CCDC3: variants seen among roughly 807,000 people sequenced by gnomAD.
CCDC3 encodes the protein coiled-coil domain containing 3.
In CCDC3, 24 loss-of-function variants were observed where a neutral mutation model predicts 21.4. The observed-to-expected ratio is 1.12, with a 90% CI of 0.81 to 1.58. The LOEUF is 1.58. CCDC3 is among the 40% of genes most tolerant of loss of function. The pLI, the probability that CCDC3 is intolerant of heterozygous loss-of-function variation, is 0.00. For missense variants in CCDC3, 425 were observed against 360.9 expected (o/e 1.18, Z -1.44); for synonymous variants, 186 against 166.0 (o/e 1.12, Z -0.93).
At chr10:13,004,909 T>C (rs1325392938), upstream of CCDC3, among the ~76,000 whole-genome samples, 2 of 152,136 alleles carry the variant, frequency 1.3e-5, no homozygotes, top group Non-Finnish European at 2.9e-5. Flanking sequence ...CTGAATGCAC[T>C]TTGGTCATCA....
At chr10:13,080,679 G>A (rs932226096) in intron 3 of CCDC3, among the ~76,000 whole-genome samples, 6 of 152,200 alleles carry the variant, frequency 3.9e-5, no homozygotes, top group Admixed American at 1.3e-4. Context: ...CCCATTAGGG[G>A]CCCTCCAGCG....
At chr10:13,084,099 T>C (rs1277643585) in intron 3 of CCDC3, among the ~76,000 whole-genome samples, 1 of 152,182 alleles carries the variant, frequency 6.6e-6, no homozygotes, top group East Asian at 1.9e-4. Flanking sequence ...TCTTGCAAGA[T>C]ATAGTCATTA....
rs1194938822 is a variant in CCDC3 at position 13,089,826 on chromosome 10, AC to A, written c.-503+8698del. On this transcript the variant is annotated intron_variant, in intron 3 of 6. Transcript: ENST00000378839. ...CCCAATTTGTAGCCTTTTATCCCCC[AC>A]CCCCCTCCCACCCTTTCTCCGTGAG... Among the ~76,000 whole-genome samples, 134 of 95,128 alleles carry A rather than the reference AC, an allele frequency of 1.4e-3. 2 individuals are homozygous for A. Among genetic ancestry groups the A allele is most frequent in the African/African-American group, 4.4e-3 (118 of 27,080 alleles). 62.4% of individuals were successfully genotyped at this position (95,128 alleles called of 152,430 possible).
Position 13,071,779 on chromosome 10 carries a change from G to A in CCDC3, c.-270+2089C>T, listed in dbSNP as rs115105921. Among the ~76,000 whole-genome samples the A allele has an allele frequency of 7.8e-3, 1,191 of 152,280 alleles. 17 individuals carry two copies. Among genetic ancestry groups the A allele is most frequent in the African/African-American group, 0.025 (1,042 of 41,540 alleles). On this transcript the variant is annotated intron_variant, in intron 4 of 6. Coordinates refer to the CCDC3 transcript ENST00000378839. Reference sequence around the variant, plus strand: ...CTGCTCCCTTCTTTCTGGATGGGTAGCCATTCATCTTCAGTCTGTATCTCT... The same window carrying A: ...CTGCTCCCTTCTTTCTGGATGGGTAACCATTCATCTTCAGTCTGTATCTCT...
intron 5 of CCDC3, among the ~76,000 whole-genome samples, chr10:13,034,855 T>A (rs985149771): frequency 6.6e-6 from 1 of 151,900 alleles, no homozygotes; most frequent in Non-Finnish European, 1.5e-5. Context: ...CAAAAACCCA[T>A]CTTTACTAAA....
chr10:13,080,579 A>G (rs1412569105), intron 3 of CCDC3, among the ~76,000 whole-genome samples: 1 of 152,260 alleles, frequency 6.6e-6, no homozygotes, highest in African/African-American at 2.4e-5. Flanking sequence ...TGCTAAAGAA[A>G]ATTCAAAAGA....
upstream of CCDC3, among the ~76,000 whole-genome samples, chr10:13,003,057 T>C (rs1249419589): frequency 1.3e-5 from 2 of 152,306 alleles, no homozygotes; most frequent in Admixed American, 1.3e-4. Context: ...CACTTCAACA[T>C]ATGAATTTGG....
Position 12,915,184 on chromosome 10 carries a change from G to T in CCDC3, c.550-16505C>A, listed in dbSNP as rs911202220. ...GAAGAATTTTTCTGAAACCAGAATTGATTTCTGGTTTCAAACGATTGTGGT... is the reference window on the plus strand; with the variant it reads ...GAAGAATTTTTCTGAAACCAGAATTTATTTCTGGTTTCAAACGATTGTGGT... On this transcript the variant is annotated intron_variant, in intron 2 of 2. Coordinates refer to ENST00000378825, the MANE Select transcript of CCDC3 (RefSeq NM_031455.4). Among the ~76,000 whole-genome samples, 7 of 152,266 alleles carry T rather than the reference G, an allele frequency of 4.6e-5. No homozygotes were observed. The South Asian group carries it at 1.0e-3, about 23-fold the overall frequency.
chr10:13,042,518 C>G (rs1836470804), intron 5 of CCDC3, among the ~76,000 whole-genome samples: 1 of 152,236 alleles, frequency 6.6e-6, no homozygotes. Flanking sequence ...TTGTCATCAT[C>G]TCCGAATACC....
At position 12,916,964 on chromosome 10, in the gene CCDC3, C is replaced by T. The variant is rs996869116; in HGVS notation, c.550-18285G>A. Among the ~76,000 whole-genome samples the T allele has an allele frequency of 3.3e-5, 5 of 152,198 alleles. No homozygotes were observed. In the South Asian group the frequency reaches 1.0e-3, roughly 32 times the overall value. ...CCATTGGGCAGGTCGGGTGCCAGAG[C>T]AGGCCTTTATGCCCAGTGCAATGGT... On this transcript the variant is annotated intron_variant, in intron 2 of 2. Transcript: ENST00000378825.
chr10:13,089,903 G>A (rs1837160413), intron 3 of CCDC3, among the ~76,000 whole-genome samples: 1 of 147,442 alleles, frequency 6.8e-6, no homozygotes, highest in Non-Finnish European at 1.5e-5. Flanking sequence ...TCACTGCTGT[G>A]AGTGAGAACA....
intron 4 of CCDC3, among the ~76,000 whole-genome samples, chr10:13,059,602 A>G (rs606770): frequency 0.74 from 112,305 of 151,960 alleles, 41,674 homozygotes; most frequent in Admixed American, 0.79. Context: ...CACAGTGTGG[A>G]CTTGCTCCTG....
At position 12,949,956 on chromosome 10, in the gene CCDC3, C is replaced by A. The variant is rs574137093; in HGVS notation, c.549+48382G>T. Among the ~76,000 whole-genome samples the A allele has an allele frequency of 3.3e-5, 5 of 152,338 alleles. No homozygotes were observed. The South Asian group carries it at 1.0e-3, about 32-fold the overall frequency. ...CAAAGCAGCCATGTGGTATCCATAT[C>A]TGTGTGCCTACTTTGGGTTCACACA... On this transcript the variant is annotated intron_variant, in intron 2 of 2. Coordinates refer to ENST00000378825, the MANE Select transcript of CCDC3 (RefSeq NM_031455.4).
At chr10:12,955,330 A>G (rs1463787146) in intron 2 of CCDC3, among the ~76,000 whole-genome samples, 1 of 152,186 alleles carries the variant, frequency 6.6e-6, no homozygotes, top group African/African-American at 2.4e-5. Context: ...AGAAGACTCT[A>G]CTACTCACTC....
chr10:13,025,952 C>T (rs1040005973), intron 5 of CCDC3, among the ~76,000 whole-genome samples: 1 of 151,996 alleles, frequency 6.6e-6, no homozygotes, highest in South Asian at 2.1e-4. Context: ...AGCCTGAGGT[C>T]GGAGGATCAC....
At chr10:12,900,294 A>T (rs77628180) in intron 2 of CCDC3, among the ~76,000 whole-genome samples, 2,139 of 152,252 alleles carry the variant, frequency 0.014, 38 homozygotes, top group African/African-American at 0.049. Flanking sequence ...GGTATTCTCC[A>T]ATCTTTCTCC....
At chr10:13,064,801 T>C (rs1836804576) in intron 4 of CCDC3, among the ~76,000 whole-genome samples, 1 of 151,552 alleles carries the variant, frequency 6.6e-6, no homozygotes, top group African/African-American at 2.4e-5. Flanking sequence ...AATAAATAAA[T>C]AAAAGACATA....
At chr10:13,084,292 T>TTA (rs1837077056) in intron 3 of CCDC3, among the ~76,000 whole-genome samples, 1 of 151,084 alleles carries the variant, frequency 6.6e-6, no homozygotes, top group African/African-American at 2.4e-5. Context: ...CTTTTCTTTT[T>TTA]TTTTTTTTTT....
At chr10:13,012,911 A>G (rs1836000282) in intron 5 of CCDC3, among the ~76,000 whole-genome samples, 1 of 152,208 alleles carries the variant, frequency 6.6e-6, no homozygotes, top group African/African-American at 2.4e-5. Flanking sequence ...AAAAATTAAA[A>G]TATTCTAATA....
Sources: gnomAD v4.1 joint callset for allele counts (sites outside exome capture counted in the v4.1 genomes callset) on GRCh38, gnomAD v4.1.1 for gene constraint, MANE v1.5 for transcripts, NCBI Gene and HGNC (gene_info 2026-07-23, HGNC 2026-07-21) for gene names.